Variants in PLCB1 observed in about 807,000 individuals in gnomAD.
PLCB1 encodes phospholipase C beta 1, also known as 1-phosphatidylinositol 4,5-bisphosphate phosphodiesterase beta-1.
A neutral mutation model predicts 161.8 loss-of-function variants in PLCB1; 46 were observed. The observed-to-expected ratio is 0.28, with a 90% CI of 0.22 to 0.36. PLCB1 has a LOEUF of 0.36. PLCB1 is among the 10% of genes least tolerant of loss of function. The probability of loss-of-function intolerance (pLI) is 1.00; values close to 1 mark genes in which losing one functional copy is unlikely to be tolerated. For synonymous variants in PLCB1, 517 were observed against 503.7 expected, an observed-to-expected ratio of 1.03 and a Z score of -0.35; for missense variants, 1,016 against 1,472.5, an observed-to-expected ratio of 0.69 and a Z score of 5.07.
chr20:8,230,871 A>G (rs1600248972), intron 2 of PLCB1, among the ~76,000 whole-genome samples: 1 of 152,074 alleles, frequency 6.6e-6, no homozygotes, highest in Non-Finnish European at 1.5e-5. Context: ...ATCTAGCAGA[A>G]CTACCCCCTG....
At chr20:8,361,615 A>G (rs1371542488) in intron 2 of PLCB1, among the ~76,000 whole-genome samples, 1 of 152,194 alleles carries the variant, frequency 6.6e-6, no homozygotes. Context: ...TGGAGAAATG[A>G]AGGCATTTAA....
At chr20:8,252,430 T>A (rs538002580) in intron 2 of PLCB1, among the ~76,000 whole-genome samples, 1 of 151,866 alleles carries the variant, frequency 6.6e-6, no homozygotes, top group South Asian at 2.1e-4. Flanking sequence ...ATACTTCACT[T>A]TTCTCTTATC....
chr20:8,398,201 A>T (rs933067185), intron 3 of PLCB1, among the ~76,000 whole-genome samples: 1 of 152,108 alleles, frequency 6.6e-6, no homozygotes, highest in Non-Finnish European at 1.5e-5. Context: ...CACATGTTTA[A>T]GGACCATGCA....
rs754944527 is a variant in PLCB1, at chr20:8,881,819, C to T, written c.3621C>T (p.Ile1207=). The T allele has an allele frequency of 1.9e-6, 3 of 1,613,704 alleles. No homozygotes were observed. The highest frequency in any genetic ancestry group is 1.3e-5 in the African/African-American group (1 of 74,922). The change falls in exon 32 of 32, where the codon ATC becomes ATT. Residue 1207 remains isoleucine, a synonymous_variant. Transcript: ENST00000338037. ...TPSSEELGGD[I]PGKEFDTPL The stretch of plus-strand genomic sequence containing the variant: ...CCAGTGAGGAGCTGGGAGGAGACAT[C>T]CCAGGAAAAGAATTTGATACTCCTC...
intron 1 of PLCB1, among the ~76,000 whole-genome samples, chr20:8,134,337 A>G (rs1232997578): frequency 1.3e-5 from 2 of 152,244 alleles, no homozygotes; most frequent in Non-Finnish European, 2.9e-5. Context: ...TGAAGGGCAG[A>G]GGAAAGAGAA....
chr20:8,881,895 ATCGGACTC>A lies in PLCB1; in HGVS notation c.*49_*56del, dbSNP rs751925608. The A allele has an allele frequency of 1.5e-5, 19 of 1,230,362 alleles. No individual in the cohort carries two copies. In the African/African-American group the frequency reaches 2.7e-4, roughly 17 times the overall value. 76.2% of individuals were successfully genotyped at this position (1,230,362 alleles called of 1,614,324 possible). A position where few individuals can be genotyped will look rare whatever the true frequency, so the allele number is the denominator to read the frequency against. Reference sequence around the variant, plus strand: ...GAAATTGCATGGCCACTCCAGCGTCATCGGACTCTCTCTTATTACAAAGATCACTGCCC... The same window carrying A: ...GAAATTGCATGGCCACTCCAGCGTCATCTCTTATTACAAAGATCACTGCCC... On this transcript the variant is annotated 3_prime_UTR_variant, in exon 32 of 32. Transcript: ENST00000338037.
chr20:8,188,697 A>T (rs2051933194), intron 2 of PLCB1, among the ~76,000 whole-genome samples: 1 of 152,136 alleles, frequency 6.6e-6, no homozygotes, highest in Non-Finnish European at 1.5e-5. Flanking sequence ...TCTGAGCCAT[A>T]TAAAGAGTGA....
chr20:8,705,345 T>C (rs982657260), intron 11 of PLCB1, among the ~76,000 whole-genome samples: 1 of 152,196 alleles, frequency 6.6e-6, no homozygotes, highest in African/African-American at 2.4e-5. Flanking sequence ...AAATTCTGTT[T>C]CTCTTCTGTC....
intron 5 of PLCB1, among the ~76,000 whole-genome samples, chr20:8,647,188 A>G (rs1989192835): frequency 6.6e-6 from 1 of 151,968 alleles, no homozygotes; most frequent in South Asian, 2.1e-4. Context: ...CTTTGATTTT[A>G]TCATCCTTCT....
At chr20:8,768,328 A>T (rs1202285570) in intron 26 of PLCB1, among the ~76,000 whole-genome samples, 1 of 151,976 alleles carries the variant, frequency 6.6e-6, no homozygotes, top group Non-Finnish European at 1.5e-5. Context: ...ATATCACTCC[A>T]GTCTCTACCT....
rs1193259659 is a variant in PLCB1, at chr20:8,161,277, C to T, written c.177+10906C>T. Among the ~76,000 whole-genome samples the T allele has an allele frequency of 6.6e-5, 10 of 152,072 alleles. 1 individual carries two copies. The highest frequency in any genetic ancestry group is 4.6e-4 in the Admixed American group (7 of 15,256). ...CATAGTGTGTCTATATGCCGTGCTA[C>T]ATATATACATACATAGTGTGTGTAT... On this transcript the variant is annotated intron_variant, in intron 2 of 31. Coordinates refer to ENST00000338037, the MANE Select transcript of PLCB1 (RefSeq NM_015192.4).
chr20:8,467,705 C>G (rs1981879061), intron 3 of PLCB1, among the ~76,000 whole-genome samples: 1 of 152,092 alleles, frequency 6.6e-6, no homozygotes, highest in Non-Finnish European at 1.5e-5. Context: ...TCCTTTTCTC[C>G]TTTTATCTTT....
At chr20:8,433,869 A>G (rs1980177311) in intron 3 of PLCB1, among the ~76,000 whole-genome samples, 1 of 152,106 alleles carries the variant, frequency 6.6e-6, no homozygotes, top group Non-Finnish European at 1.5e-5. Context: ...TGACATCTAG[A>G]AGAGTCATGG....
intron 31 of PLCB1, among the ~76,000 whole-genome samples, chr20:8,879,042 A>T (rs113291226): frequency 6.6e-6 from 1 of 152,142 alleles, no homozygotes; most frequent in Non-Finnish European, 1.5e-5. Context: ...TCCCACTTAT[A>T]AGTGAGACTG....
intron 31 of PLCB1, among the ~76,000 whole-genome samples, chr20:8,867,568 G>A (rs140828127): frequency 6.6e-6 from 1 of 152,166 alleles, no homozygotes; most frequent in Non-Finnish European, 1.5e-5. Context: ...TTCAGGGTTT[G>A]TGTGGTTAAG....
At chr20:8,384,059 T>G (rs1987344413) in intron 3 of PLCB1, among the ~76,000 whole-genome samples, 1 of 152,132 alleles carries the variant, frequency 6.6e-6, no homozygotes, top group South Asian at 2.1e-4. Context: ...TGAATTTGCA[T>G]GTTGGCCTAT....
chr20:8,208,153 A>AT (rs1403396041), intron 2 of PLCB1, among the ~76,000 whole-genome samples: 1 of 151,848 alleles, frequency 6.6e-6, no homozygotes, highest in Admixed American at 6.6e-5. Context: ...AACTGTTTTG[A>AT]TTTTTTCTTT....
At chr20:8,576,897 G>A (rs1489517470) in intron 3 of PLCB1, among the ~76,000 whole-genome samples, 3 of 152,058 alleles carry the variant, frequency 2.0e-5, no homozygotes, top group Non-Finnish European at 2.9e-5. Context: ...TCAAGTCTAC[G>A]TGTGATGGTG....
At chr20:8,715,830 TCTC>T (rs747192696) in intron 12 of PLCB1, 1 of 157,314 alleles carries the variant, frequency 6.4e-6, no homozygotes, top group Non-Finnish European at 1.4e-5. Flanking sequence ...TCCTCTTTCA[TCTC>T]CTCATAAACA....
Sources: allele counts gnomAD v4.1 joint callset (sites outside exome capture counted in the v4.1 genomes callset), GRCh38; gene constraint gnomAD v4.1.1; transcripts MANE v1.5; gene names NCBI Gene and HGNC (gene_info 2026-07-23, HGNC 2026-07-21).